The following GNAT1 variants were observed in gnomAD, a reference collection of about 807,000 sequenced individuals.
The protein encoded by GNAT1 is G protein subunit alpha transducin 1, also known as guanine nucleotide-binding protein G(t) subunit alpha-1.
Under a neutral mutation model 40.0 loss-of-function variants are expected in GNAT1, and 36 were observed. The ratio of observed to expected loss-of-function variants is 0.90; its 90% CI spans 0.69 to 1.19. The LOEUF is 1.19. Among genes scored for constraint, GNAT1 ranks in the 50% most tolerant of loss-of-function variants. The pLI is 0.00. For synonymous variants in GNAT1, 195 were observed against 192.9 expected, an observed-to-expected ratio of 1.01 and a Z score of -0.09; for missense variants, 413 against 480.6, an observed-to-expected ratio of 0.86 and a Z score of 1.32.
At chr3:50,192,818 T>G (rs1462251660) in intron 1 of GNAT1, 1 of 530,126 alleles carries the variant, frequency 1.9e-6, no homozygotes, top group Non-Finnish European at 3.4e-6. Context: ...ATTTCTTCAT[T>G]GCAGTCTCAC....
In GNAT1 at chr3:50,193,421, G is replaced by A. The variant is rs776984245; in HGVS notation, c.291+15G>A. On this transcript the variant is annotated intron_variant, in intron 3 of 8. Transcript: ENST00000232461. This position sits in a 1 kb window ranked among gnomAD's most constrained non-coding sequence, Gnocchi z 8.1. ...CTGCACGCCAGGTGTGCCAGGAGGC[G>A]GGCTGAGCGGGCCTCTGGGGACTCG... is the stretch of plus-strand genomic sequence containing the variant. The A allele has an allele frequency of 1.2e-6, 2 of 1,613,690 alleles. No individual in the cohort carries two copies. The highest frequency in any genetic ancestry group is 1.1e-5 in the South Asian group (1 of 91,084).
intron 1 of GNAT1, among the ~76,000 whole-genome samples, chr3:50,192,302 A>G (rs1338046208): frequency 2.0e-5 from 3 of 152,176 alleles, no homozygotes; most frequent in Non-Finnish European, 4.4e-5. Flanking sequence ...TCCACAACGA[A>G]TGGCCCTCAG....
At position 50,193,578 on chromosome 3, in the gene GNAT1, A is replaced by G. The variant is rs771618545; in HGVS notation, c.364A>G (p.Ile122Val). 1.2e-6 allele frequency: 2 copies of G among 1,613,020 alleles called. No homozygotes were observed. The highest frequency in any genetic ancestry group is 1.7e-6 in the Non-Finnish European group (2 of 1,179,884). ...CACGATGCCCAAGGAGATGTCGGACATCATCCAGCGGCTGTGGAAGGACTC... is the reference window on the plus strand; with the variant it reads ...CACGATGCCCAAGGAGATGTCGGACGTCATCCAGCGGCTGTGGAAGGACTC... ...EGTMPKEMSD[I>V]IQRLWKDSGI... is the part of the protein sequence containing the mutation. Residue 122 changes from isoleucine (I) to valine (V), a missense_variant, in exon 4 of 9, where the codon ATC (isoleucine) becomes GTC (valine). By Grantham distance (29) the Ile-to-Val change is conservative. Transcript: ENST00000232461. This position sits in a 1 kb window ranked among gnomAD's most constrained non-coding sequence, Gnocchi z 8.1.
chr3:50,192,398 C>T (rs1387788426), intron 1 of GNAT1, among the ~76,000 whole-genome samples: 2 of 152,140 alleles, frequency 1.3e-5, no homozygotes, highest in African/African-American at 2.4e-5. Flanking sequence ...GATAAAGCCG[C>T]GTCCACTGGA....
rs999064639 is a variant in GNAT1, at chr3:50,194,833, G to A, written c.931G>A (p.Asp311Asn). 28 of 1,613,756 alleles carry A rather than the reference G, an allele frequency of 1.7e-5. No homozygotes were observed. The highest frequency in any genetic ancestry group is 2.7e-5 in the African/African-American group (2 of 74,898). ...VQFLELNMRRDVKEIYSHMTC... is the reference protein window; with the variant it reads ...VQFLELNMRRNVKEIYSHMTC... Reference sequence around the variant, plus strand: ...GTTCCTCGAGCTCAACATGCGGCGCGACGTGAAGGAGATCTATTCCCACAT... The same window carrying A: ...GTTCCTCGAGCTCAACATGCGGCGCAACGTGAAGGAGATCTATTCCCACAT... Residue 311 changes from aspartate to asparagine, a missense_variant, in exon 8 of 9, where the codon GAC (aspartate) becomes AAC (asparagine). Physicochemically the swap from Asp to Asn is conservative, Grantham distance 23. Coordinates refer to ENST00000232461, the MANE Select transcript of GNAT1 (RefSeq NM_144499.3). This position sits in a 1 kb window ranked among gnomAD's most constrained non-coding sequence, Gnocchi z 6.1.
At position 50,191,743 on chromosome 3, in the gene GNAT1, T is replaced by A. The variant is rs1459356965; in HGVS notation, c.18T>A (p.Ser6Arg). The change falls in exon 1 of 9, where the codon AGT (serine) becomes AGA (arginine). Residue 6 changes from serine to arginine, a missense_variant. Physicochemically the swap from Ser to Arg is moderately radical, Grantham distance 110 (BLOSUM62 -1). Transcript: ENST00000232461. MGAGA[S>R]AEEKHSRELE... Reference sequence around the variant, plus strand: ...CTGGGACCATGGGGGCTGGGGCCAGTGCTGAGGAGAAGCACTCCAGGGAGC... The same window carrying A: ...CTGGGACCATGGGGGCTGGGGCCAGAGCTGAGGAGAAGCACTCCAGGGAGC... The A allele has an allele frequency of 1.2e-6, 2 of 1,613,324 alleles. No individual in the cohort carries two copies. Among genetic ancestry groups the A allele is most frequent in the Non-Finnish European group, 1.7e-6 (2 of 1,179,388 alleles).
rs760544970 is a variant in GNAT1, at chr3:50,194,856, C to T, written c.954C>T (p.His318=). 48 of 1,613,774 alleles carry T rather than the reference C, an allele frequency of 3.0e-5. No homozygotes were observed. Among genetic ancestry groups the T allele is most frequent in the Non-Finnish European group, 2.6e-5 (31 of 1,179,904 alleles). ...GCGACGTGAAGGAGATCTATTCCCA[C>T]ATGACGTGCGCCACCGACACGCAGA... The part of the protein sequence containing the change: ...MRRDVKEIYS[H]MTCATDTQNV... Residue 318 remains histidine, a synonymous_variant, in exon 8 of 9, where the codon CAC becomes CAT. Coordinates refer to ENST00000232461, the MANE Select transcript of GNAT1 (RefSeq NM_144499.3). The surrounding 1 kb of genome is among the most constrained non-coding windows in gnomAD (Gnocchi z 6.1).
chr3:50,194,995 C>G lies in GNAT1; in HGVS notation c.*1+39C>G. On this transcript the variant is annotated intron_variant, in intron 8 of 8. Coordinates refer to ENST00000232461, the MANE Select transcript of GNAT1 (RefSeq NM_144499.3). The surrounding 1 kb of genome is among the most constrained non-coding windows in gnomAD (Gnocchi z 6.1). ...CTCTCCAGGCTCTTGCCTCAATACC[C>G]CAGCCCCGTCCAGCTCCCCACCCCA... 1 of 1,386,180 alleles carries G rather than the reference C, an allele frequency of 7.2e-7. No individual in the cohort carries two copies. The highest frequency in any genetic ancestry group is 1.2e-5 in the South Asian group (1 of 82,808). 85.9% of individuals were successfully genotyped at this position (1,386,180 alleles called of 1,614,324 possible). A position where few individuals can be genotyped will look rare whatever the true frequency, so the allele number is the denominator to read the frequency against.
In GNAT1 at chr3:50,194,708, G is replaced by T. The variant is rs1300145855; in HGVS notation, c.862+54G>T. 5.0e-6 allele frequency: 8 copies of T among 1,605,864 alleles called. No homozygotes were observed. The Middle Eastern group carries it at 4.9e-4, about 99-fold the overall frequency. ...CGCCCCCGCCCCACGATCGCGGCGC[G>T]CACCCCCCGCACGGGGAAGGAAGGG... On this transcript the variant is annotated intron_variant, in intron 7 of 8. Coordinates refer to ENST00000232461, the MANE Select transcript of GNAT1 (RefSeq NM_144499.3). This position sits in a 1 kb window ranked among gnomAD's most constrained non-coding sequence, Gnocchi z 6.1.
chr3:50,194,755 G>A lies in GNAT1; in HGVS notation c.863-10G>A, dbSNP rs1699476358. ...AGGGCTGAGCAGAGTGAGAGCTCCCGCCCCCGCAGGACCCAACACCTACGA... is the reference window on the plus strand; with the variant it reads ...AGGGCTGAGCAGAGTGAGAGCTCCCACCCCCGCAGGACCCAACACCTACGA... On this transcript the variant is annotated splice_polypyrimidine_tract_variant and intron_variant, in intron 7 of 8. Transcript: ENST00000232461. The surrounding 1 kb of genome is among the most constrained non-coding windows in gnomAD (Gnocchi z 6.1). 6.2e-7 allele frequency: 1 copy of A among 1,613,188 alleles called. No homozygotes were observed. Among genetic ancestry groups the A allele is most frequent in the Non-Finnish European group, 8.5e-7 (1 of 1,179,878 alleles).
Position 50,193,762 on chromosome 3 carries a change from C to G in GNAT1, c.459C>G (p.Ser153=), listed in dbSNP as rs1699457487. ...GCCGGGTCTCGCGCAGCTACCTCTCCGACCTGGAGCGCCTGGTAACCCCGG... is the reference window on the plus strand; with the variant it reads ...GCCGGGTCTCGCGCAGCTACCTCTCGGACCTGGAGCGCCTGGTAACCCCGG... ...QLNDSAGYYL[S]DLERLVTPGY... is the part of the protein sequence containing the mutation. Residue 153 remains serine (S), a synonymous_variant, in exon 5 of 9, where the codon TCC becomes TCG. Coordinates refer to ENST00000232461, the MANE Select transcript of GNAT1 (RefSeq NM_144499.3). The surrounding 1 kb of genome is among the most constrained non-coding windows in gnomAD (Gnocchi z 8.1). 1 of 1,611,252 alleles carries G rather than the reference C, an allele frequency of 6.2e-7. No individual in the cohort carries two copies. Among genetic ancestry groups the G allele is most frequent in the Non-Finnish European group, 8.5e-7 (1 of 1,179,286 alleles).
chr3:50,193,074 C>T lies in GNAT1; in HGVS notation c.107-59C>T, dbSNP rs1699437546. The T allele has an allele frequency of 6.3e-7, 1 of 1,595,534 alleles. No homozygotes were observed. Among genetic ancestry groups the T allele is most frequent in the African/African-American group, 1.3e-5 (1 of 74,686 alleles). On this transcript the variant is annotated intron_variant, in intron 1 of 8. Coordinates refer to ENST00000232461, the MANE Select transcript of GNAT1 (RefSeq NM_144499.3). The surrounding 1 kb of genome is among the most constrained non-coding windows in gnomAD (Gnocchi z 8.1). ...CTCGGGAGGTCCCCGTCCTCCTGGCCTCCTTGCTGGAGGGGGCAGGCTGGT... is the reference window on the plus strand; with the variant it reads ...CTCGGGAGGTCCCCGTCCTCCTGGCTTCCTTGCTGGAGGGGGCAGGCTGGT...
At position 50,194,499 on chromosome 3, in the gene GNAT1, A is replaced by T; in HGVS notation, c.709-2A>T. 6.2e-7 allele frequency: 1 copy of T among 1,613,226 alleles called. No homozygotes were observed. The highest frequency in any genetic ancestry group is 8.5e-7 in the Non-Finnish European group (1 of 1,179,798). ...GTGCCCAACAGCTGCTGCCCTCCTCAGAACCGCATGCACGAGAGCCTGCAC... is the reference window on the plus strand; with the variant it reads ...GTGCCCAACAGCTGCTGCCCTCCTCTGAACCGCATGCACGAGAGCCTGCAC... On this transcript the variant is annotated splice_acceptor_variant, in intron 6 of 8. Transcript: ENST00000232461. LOFTEE classifies it high-confidence loss of function. This position sits in a 1 kb window ranked among gnomAD's most constrained non-coding sequence, Gnocchi z 6.1.
At position 50,194,763 on chromosome 3, in the gene GNAT1, A is replaced by G; in HGVS notation, c.863-2A>G. On this transcript the variant is annotated splice_acceptor_variant, in intron 7 of 8. Coordinates refer to ENST00000232461, the MANE Select transcript of GNAT1 (RefSeq NM_144499.3). LOFTEE classifies it high-confidence loss of function. The surrounding 1 kb of genome is among the most constrained non-coding windows in gnomAD (Gnocchi z 6.1). ...GCAGAGTGAGAGCTCCCGCCCCCGCAGGACCCAACACCTACGAGGACGCCG... is the reference window on the plus strand; with the variant it reads ...GCAGAGTGAGAGCTCCCGCCCCCGCGGGACCCAACACCTACGAGGACGCCG... 6.2e-7 allele frequency: 1 copy of G among 1,613,552 alleles called. No homozygotes were observed. Among genetic ancestry groups the G allele is most frequent in the Non-Finnish European group, 8.5e-7 (1 of 1,179,906 alleles).
chr3:50,194,992 A>G lies in GNAT1; in HGVS notation c.*1+36A>G, dbSNP rs1247189667. ...GCCCTCTCCAGGCTCTTGCCTCAAT[A>G]CCCCAGCCCCGTCCAGCTCCCCACC... On this transcript the variant is annotated intron_variant, in intron 8 of 8. Transcript: ENST00000232461. The surrounding 1 kb of genome is among the most constrained non-coding windows in gnomAD (Gnocchi z 6.1). The G allele has an allele frequency of 6.8e-7, 1 of 1,474,520 alleles. No individual in the cohort carries two copies. The highest frequency in any genetic ancestry group is 9.4e-7 in the Non-Finnish European group (1 of 1,068,842). The allele number at this position is 1,474,520 out of a possible 1,614,324, so 91.3% of individuals were successfully genotyped here.
rs1445156543 is a variant in GNAT1, at chr3:50,194,954, G to A, written c.1052G>A (p.Ter351=). The change falls in exon 8 of 9, where the codon TGA becomes TAA. Residue 351 remains the stop codon, a splice_region_variant and stop_retained_variant. Transcript: ENST00000232461. This position sits in a 1 kb window ranked among gnomAD's most constrained non-coding sequence, Gnocchi z 6.1. ...AACCTCAAAGACTGTGGCCTCTTCT[G>A]AGGTAGGTCGCTGCCCTCTCCAGGC... ...KENLKDCGLF[*] The A allele has an allele frequency of 1.2e-6, 2 of 1,609,708 alleles. No individual in the cohort carries two copies. Among genetic ancestry groups the A allele is most frequent in the African/African-American group, 1.3e-5 (1 of 74,764 alleles).
chr3:50,195,434 A>G lies in GNAT1; in HGVS notation c.*168A>G. On this transcript the variant is annotated 3_prime_UTR_variant, in exon 9 of 9. Coordinates refer to ENST00000232461, the MANE Select transcript of GNAT1 (RefSeq NM_144499.3). Reference sequence around the variant, plus strand: ...CCTTGAGGCGCGGACCCTCCCCCATACCTCCCACAGTATCCCAGCGCCTCA... The same window carrying G: ...CCTTGAGGCGCGGACCCTCCCCCATGCCTCCCACAGTATCCCAGCGCCTCA... 5.0e-6 allele frequency: 1 copy of G among 199,606 alleles called. No homozygotes were observed. The highest frequency in any genetic ancestry group is 8.1e-5 in the South Asian group (1 of 12,308). 12.4% of individuals were successfully genotyped at this position (199,606 alleles called of 1,614,324 possible).
In GNAT1 at chr3:50,194,257, G is replaced by A; in HGVS notation, c.708+36G>A. 1 of 1,578,186 alleles carries A rather than the reference G, an allele frequency of 6.3e-7. No individual in the cohort carries two copies. The highest frequency in any genetic ancestry group is 8.6e-7 in the Non-Finnish European group (1 of 1,161,314). The stretch of plus-strand genomic sequence containing the variant: ...GGCAGGGCCTGTGTTCCAGGGGGGC[G>A]AGGAGGAGCTGCTGGTCCCTGGAGG... On this transcript the variant is annotated intron_variant, in intron 6 of 8. Coordinates refer to ENST00000232461, the MANE Select transcript of GNAT1 (RefSeq NM_144499.3). This position sits in a 1 kb window ranked among gnomAD's most constrained non-coding sequence, Gnocchi z 6.1.
chr3:50,194,952 C>G lies in GNAT1; in HGVS notation c.1050C>G (p.Phe350Leu). The G allele has an allele frequency of 6.2e-7, 1 of 1,610,348 alleles. No homozygotes were observed. The highest frequency in any genetic ancestry group is 8.5e-7 in the Non-Finnish European group (1 of 1,177,578). Residue 350 changes from phenylalanine (F) to leucine (L), a missense_variant, in exon 8 of 9, where the codon TTC becomes TTG. By Grantham distance (22) the Phe-to-Leu change is conservative (BLOSUM62 0). Coordinates refer to ENST00000232461, the MANE Select transcript of GNAT1 (RefSeq NM_144499.3). The surrounding 1 kb of genome is among the most constrained non-coding windows in gnomAD (Gnocchi z 6.1). The stretch of plus-strand genomic sequence containing the variant: ...AGAACCTCAAAGACTGTGGCCTCTT[C>G]TGAGGTAGGTCGCTGCCCTCTCCAG... ...IKENLKDCGL[F>L]
Sources: allele counts gnomAD v4.1 joint callset (sites outside exome capture counted in the v4.1 genomes callset), GRCh38; gene constraint gnomAD v4.1.1; non-coding constraint Gnocchi (gnomAD v3.1); transcripts MANE v1.5; gene names NCBI Gene and HGNC (gene_info 2026-07-23, HGNC 2026-07-21).